Variants in XKR6 observed in about 807,000 individuals in gnomAD.
The protein encoded by XKR6 is XK related 6.
In XKR6, 22 loss-of-function variants were observed where a neutral mutation model predicts 56.7. The observed-to-expected ratio is 0.39, with a 90% CI of 0.28 to 0.55. The LOEUF (loss-of-function observed/expected upper bound fraction) is 0.55. XKR6 is among the 20% of genes least tolerant of loss of function. The pLI is 0.66. For synonymous variants in XKR6, 524 were observed against 387.8 expected (o/e 1.35, Z -4.13); for missense variants, 852 against 889.0 (o/e 0.96, Z 0.53).
intron 2 of XKR6, among the ~76,000 whole-genome samples, chr8:10,921,221 A>G (rs574655713): frequency 6.6e-6 from 1 of 152,362 alleles, no homozygotes; most frequent in African/African-American, 2.4e-5. Context: ...CTTTCTGTTT[A>G]TAATCTGAGA....
chr8:11,040,738 A>C (rs1256112032), intron 1 of XKR6, among the ~76,000 whole-genome samples: 8 of 152,100 alleles, frequency 5.3e-5, no homozygotes, highest in Non-Finnish European at 1.2e-4. Flanking sequence ...TTCACGACTG[A>C]TCGCCCCCCA....
At chr8:11,155,989 T>G (rs1801502272) in intron 1 of XKR6, among the ~76,000 whole-genome samples, 1 of 152,210 alleles carries the variant, frequency 6.6e-6, no homozygotes, top group Non-Finnish European at 1.5e-5. Context: ...CAGGAGCTAT[T>G]TCAATTACCT....
intron 2 of XKR6, among the ~76,000 whole-genome samples, chr8:10,915,655 C>T (rs1224374716): frequency 6.6e-6 from 1 of 152,308 alleles, no homozygotes; most frequent in Middle Eastern, 3.4e-3. Flanking sequence ...TTGCAAACTC[C>T]ATTTAACAGG....
chr8:11,014,186 T>A (rs960558201), intron 1 of XKR6, among the ~76,000 whole-genome samples: 1 of 152,182 alleles, frequency 6.6e-6, no homozygotes, highest in Non-Finnish European at 1.5e-5. Flanking sequence ...ATTTGCATAA[T>A]CCATATTTTC....
chr8:11,009,200 C>T (rs145513927), intron 1 of XKR6, among the ~76,000 whole-genome samples: 5 of 152,218 alleles, frequency 3.3e-5, no homozygotes, highest in East Asian at 1.9e-4. Flanking sequence ...ATGTCTCTTT[C>T]GCCCTCTCAT....
At chr8:11,194,521 G>C (rs992264199) in intron 1 of XKR6, 1 of 152,160 alleles carries the variant, frequency 6.6e-6, no homozygotes, top group African/African-American at 2.4e-5. Flanking sequence ...AATTCCTGAT[G>C]AGAAGAAACT....
At chr8:11,098,366 G>A (rs75578619) in intron 1 of XKR6, among the ~76,000 whole-genome samples, 22 of 152,264 alleles carry the variant, frequency 1.4e-4, no homozygotes, top group African/African-American at 5.1e-4. Context: ...GAGCTGGTAC[G>A]TGAGCAAGAG....
chr8:11,014,826 C>T (rs1312130770), intron 1 of XKR6, among the ~76,000 whole-genome samples: 1 of 152,136 alleles, frequency 6.6e-6, no homozygotes, highest in South Asian at 2.1e-4. Flanking sequence ...TGCACGCGTA[C>T]CCCCTGAATC....
rs1585051162 is a variant in XKR6 at position 11,201,497 on chromosome 8, C to T, written c.-158G>A. On this transcript the variant is annotated 5_prime_UTR_variant, in exon 1 of 3. Transcript: ENST00000416569. The stretch of plus-strand genomic sequence containing the variant: ...ACGAGGGGGGAGTGGGCCAGGGAAC[C>T]CCCTCCGCTTCCGGGTAGTTGGCGT... 3.6e-6 allele frequency: 2 copies of T among 561,850 alleles called. No individual in the cohort carries two copies. The allele number at this position is 561,850 out of a possible 1,614,324, so 34.8% of individuals were successfully genotyped here. A position where few individuals can be genotyped will look rare whatever the true frequency, so the allele number is the denominator to read the frequency against.
intron 2 of XKR6, among the ~76,000 whole-genome samples, chr8:10,913,687 C>G (rs1320296844): frequency 1.3e-5 from 2 of 152,192 alleles, no homozygotes; most frequent in African/African-American, 4.8e-5. Context: ...CAGATGCGGA[C>G]CAGGTGTGCA....
intron 1 of XKR6, among the ~76,000 whole-genome samples, chr8:11,193,076 G>C (rs1339435548): frequency 1.3e-5 from 2 of 152,158 alleles, no homozygotes; most frequent in African/African-American, 4.8e-5. Flanking sequence ...ATGTGGCCAG[G>C]GCAAACCGTA....
chr8:10,996,612 G>A (rs979803521), intron 1 of XKR6, among the ~76,000 whole-genome samples: 13 of 152,100 alleles, frequency 8.5e-5, no homozygotes, highest in South Asian at 2.1e-4. Flanking sequence ...TACAAGTGGC[G>A]TAAATGGGAA....
Position 10,946,749 on chromosome 8 carries a change from T to C in XKR6, c.765-21919A>G, listed in dbSNP as rs550911503. ...GGACCCAGCATGGTCCCTGCCCTCA[T>C]GCTGTTCACAGACCAGTGGAGGAGA... On this transcript the variant is annotated intron_variant, in intron 1 of 2. Transcript: ENST00000416569. 2.6e-5 allele frequency among the ~76,000 whole-genome samples: 4 copies of C among 152,250 alleles called. No homozygotes were observed. In the East Asian group the frequency reaches 5.8e-4, roughly 22 times the overall value.
intron 1 of XKR6, among the ~76,000 whole-genome samples, chr8:11,044,975 G>C (rs1799371785): frequency 6.7e-6 from 1 of 149,464 alleles, no homozygotes; most frequent in South Asian, 2.1e-4. Flanking sequence ...GTAGCAGGCT[G>C]AAAGACAACA....
chr8:11,144,250 G>GTGTGTGTGTGTGTGTGTGTGTGTA (rs1800866191), intron 1 of XKR6, among the ~76,000 whole-genome samples: 1 of 151,248 alleles, frequency 6.6e-6, no homozygotes, highest in African/African-American at 2.4e-5. Flanking sequence ...GTGTGTGTGT[G>GTGTGTGTGTGTGTGTGTGTGTGTA]TGTGTATCTA....
intron 1 of XKR6, among the ~76,000 whole-genome samples, chr8:10,944,527 A>T (rs1167801263): frequency 6.6e-6 from 1 of 152,104 alleles, no homozygotes. Context: ...CACAAATCCC[A>T]CTTTCAGACT....
chr8:10,942,239 A>T (rs769152240), intron 1 of XKR6, among the ~76,000 whole-genome samples: 1 of 152,196 alleles, frequency 6.6e-6, no homozygotes, highest in African/African-American at 2.4e-5. Flanking sequence ...TACTCAACAC[A>T]AAGTACATCC....
At chr8:11,037,858 A>C (rs969159281) in intron 1 of XKR6, among the ~76,000 whole-genome samples, 15 of 58,328 alleles carry the variant, frequency 2.6e-4, no homozygotes, top group African/African-American at 7.2e-4. Flanking sequence ...ACTTGGTTTC[A>C]AAAAAAAAAA....
chr8:11,081,962 C>T (rs905597257), intron 1 of XKR6, among the ~76,000 whole-genome samples: 1 of 152,206 alleles, frequency 6.6e-6, no homozygotes, highest in Non-Finnish European at 1.5e-5. Context: ...TCTGTTCCCA[C>T]TGGAGGATGC....
Sources: gnomAD v4.1 joint callset for allele counts (sites outside exome capture counted in the v4.1 genomes callset) on GRCh38, gnomAD v4.1.1 for gene constraint, MANE v1.5 for transcripts, NCBI Gene and HGNC (gene_info 2026-07-23, HGNC 2026-07-21) for gene names.